CARD10: variants seen among roughly 807,000 people sequenced by gnomAD.
The protein encoded by CARD10 is caspase recruitment domain family member 10, also known as caspase recruitment domain-containing protein 10.
Under a neutral mutation model 114.6 loss-of-function variants are expected in CARD10, and 49 were observed. The ratio of observed to expected loss-of-function variants is 0.43; its 90% CI spans 0.34 to 0.54. CARD10 has a LOEUF of 0.54. Ranked by LOEUF, CARD10 falls within the 20% of genes least tolerant of loss-of-function variation. The probability of loss-of-function intolerance (pLI) is 0.03; values close to 1 mark genes in which losing one functional copy is unlikely to be tolerated. For synonymous variants in CARD10, 602 were observed against 593.2 expected, an observed-to-expected ratio of 1.01 and a Z score of -0.21; for missense variants, 1,206 against 1,397.2, an observed-to-expected ratio of 0.86 and a Z score of 2.18.
Position 37,510,452 on chromosome 22 carries a change from G to A in CARD10, c.700-31C>T, listed in dbSNP as rs774567856. ...GCCCAAGACATGGGTCAGCCCAGAG[G>A]GAGACACACTGGGAGCCACGGGTTA... On this transcript the variant is annotated intron_variant, in intron 3 of 19. Transcript: ENST00000251973. The A allele has an allele frequency of 2.5e-6, 4 of 1,599,870 alleles. No individual in the cohort carries two copies. In the South Asian group the frequency reaches 4.4e-5, roughly 18 times the overall value.
rs766748417 is a variant in CARD10, at chr22:37,495,794, C to T, written c.2269G>A (p.Asp757Asn). 1.9e-5 allele frequency: 30 copies of T among 1,613,980 alleles called. No individual in the cohort carries two copies. The highest frequency in any genetic ancestry group is 4.4e-5 in the South Asian group (4 of 91,088). Residue 757 changes from aspartate (D) to asparagine (N), a missense_variant, in exon 14 of 20, where the codon GAC (aspartate) becomes AAC (asparagine). This residue lies in a region of CARD10 where 1,068 missense variants were observed against 1,179.1 expected (regional missense o/e 0.91). Transcript: ENST00000251973. ...CTRVDPLTLR[D>N]LDRGTVPNYQ... ...TTGGGCACGGTGCCCCGGTCCAGGT[C>T]CCGCAGAGTGAGGGGGTCAACCCGG...
At chr22:37,517,397 G>A (rs1923876906) in intron 2 of CARD10, among the ~76,000 whole-genome samples, 1 of 152,202 alleles carries the variant, frequency 6.6e-6, no homozygotes, top group Non-Finnish European at 1.5e-5. Context: ...CAGCACTCTG[G>A]GAGGCCGAGG....
intron 19 of CARD10, 67 bp from the exon 20 acceptor site, chr22:37,491,460 G>A (rs1922772810): frequency 8.3e-7 from 1 of 1,202,956 alleles, no homozygotes; most frequent in African/African-American, 1.6e-5. Flanking sequence ...CAGGGAGAGA[G>A]GGACAGACAA....
At chr22:37,502,819 G>A in intron 10 of CARD10, 94 bp from the exon 11 acceptor site, 1 of 1,447,812 alleles carries the variant, frequency 6.9e-7, no homozygotes, top group South Asian at 1.4e-5. Flanking sequence ...AGCCCAGAGA[G>A]GCCTTGGCAG....
At position 37,492,447 on chromosome 22, in the gene CARD10, C is replaced by A; in HGVS notation, c.2739G>T (p.Glu913Asp). 1 of 1,575,710 alleles carries A rather than the reference C, an allele frequency of 6.3e-7. No individual in the cohort carries two copies. The highest frequency in any genetic ancestry group is 1.2e-5 in the South Asian group (1 of 85,996). ...GLGSRIRAIQESVGKKHCLLE... is the reference protein window; with the variant it reads ...GLGSRIRAIQDSVGKKHCLLE... ...CCCCAGCACCCACCTTCCCAACAGA[C>A]TCCTGGATGGCCCGGATCCTGCTGC... The change falls in exon 18 of 20, where the codon GAG becomes GAT. Residue 913 changes from glutamate to aspartate, a missense_variant. Glu to Asp is a conservative substitution (Grantham distance 45, BLOSUM62 2). Around this residue, in one of 2 missense-constraint regions of CARD10, gnomAD observed 1,068 missense variants for 1,179.1 expected, o/e 0.91. Coordinates refer to ENST00000251973, the MANE Select transcript of CARD10 (RefSeq NM_014550.4). This position sits in a 1 kb window ranked among gnomAD's most constrained non-coding sequence, Gnocchi z 5.7.
At chr22:37,500,590 G>A (rs1260797875) in intron 11 of CARD10, among the ~76,000 whole-genome samples, 1 of 152,188 alleles carries the variant, frequency 6.6e-6, no homozygotes, top group African/African-American at 2.4e-5. Flanking sequence ...ATGGGAAAGA[G>A]GAGAGAAAAT....
chr22:37,490,843 G>C lies in CARD10; in HGVS notation c.*316C>G, dbSNP rs1922742426. 2.6e-6 allele frequency: 1 copy of C among 390,898 alleles called. No homozygotes were observed. The highest frequency in any genetic ancestry group is 3.5e-5 in the South Asian group (1 of 28,318). 24.2% of individuals were successfully genotyped at this position (390,898 alleles called of 1,614,324 possible). ...CTTGAGTGTGCAAACCTGCGCACAG[G>C]TGTGAGAACAGACTCCAGGGCGAGT... On this transcript the variant is annotated 3_prime_UTR_variant, in exon 20 of 20. Coordinates refer to ENST00000251973, the MANE Select transcript of CARD10 (RefSeq NM_014550.4).
At chr22:37,498,916 G>C (rs949713804) in intron 11 of CARD10, among the ~76,000 whole-genome samples, 20 of 130,664 alleles carry the variant, frequency 1.5e-4, no homozygotes, top group Non-Finnish European at 2.9e-4. Context: ...GGGGGGGGGG[G>C]GCACATGAAT....
chr22:37,517,554 A>C (rs1253415371), intron 2 of CARD10, among the ~76,000 whole-genome samples: 1 of 152,130 alleles, frequency 6.6e-6, no homozygotes, highest in African/African-American at 2.4e-5. Context: ...AGGCAGGAGA[A>C]TCGCTTGAAC....
intron 15 of CARD10, 115 bp downstream of exon 15, chr22:37,495,402 C>T (rs570186694): frequency 6.9e-4 from 528 of 762,310 alleles, no homozygotes; most frequent in Non-Finnish European, 1.1e-3. Flanking sequence ...AATTAAATCA[C>T]CAGGGAAGGA....
In CARD10 at chr22:37,503,189, G is replaced by C. The variant is rs1234735771; in HGVS notation, c.1659C>G (p.Ile553Met). The change falls in exon 10 of 20, where the codon ATC (isoleucine) becomes ATG (methionine). Residue 553 changes from isoleucine to methionine, a missense_variant. Physicochemically the swap from Ile to Met is conservative, Grantham distance 10 (BLOSUM62 1). Coordinates refer to ENST00000251973, the MANE Select transcript of CARD10 (RefSeq NM_014550.4). ...PKRSFSSMSD[I>M]TGSVTLKPWS... Reference sequence around the variant, plus strand: ...ACGGAACTCAAGGGCTGTTACCTGTGATGTCTGACATGCTGCTGAAGGATC... The same window carrying C: ...ACGGAACTCAAGGGCTGTTACCTGTCATGTCTGACATGCTGCTGAAGGATC... 2 of 1,611,412 alleles carry C rather than the reference G, an allele frequency of 1.2e-6. No individual in the cohort carries two copies. The highest frequency in any genetic ancestry group is 2.7e-5 in the African/African-American group (2 of 74,774).
intron 3 of CARD10, chr22:37,514,762 A>G (rs1923778621): frequency 6.6e-6 from 1 of 152,300 alleles, no homozygotes; most frequent in African/African-American, 2.4e-5. Context: ...CTCGAGCAAC[A>G]TGGCTGGAGA....
intron 15 of CARD10, 106 bp from the exon 16 acceptor site, chr22:37,494,294 T>G: frequency 1.4e-6 from 1 of 727,174 alleles, no homozygotes; most frequent in South Asian, 1.8e-5. Context: ...GCCACTGTGG[T>G]CCAGGCTTGC....
intron 19 of CARD10, 119 bp from the exon 20 acceptor site, chr22:37,491,512 G>T: frequency 1.9e-6 from 1 of 522,126 alleles, no homozygotes; most frequent in Non-Finnish European, 3.0e-6. Context: ...ACCAAAGAGA[G>T]ACAGATGGCA....
intron 3 of CARD10, among the ~76,000 whole-genome samples, chr22:37,512,488 C>T (rs7288878): frequency 0.17 from 24,658 of 142,168 alleles, 3,781 homozygotes; most frequent in African/African-American, 0.38. Context: ...CACACACACA[C>T]ACACACACAC....
In CARD10 at chr22:37,496,893, G is replaced by T; in HGVS notation, c.1947+126C>A. The T allele has an allele frequency of 1.7e-6, 2 of 1,155,616 alleles. No homozygotes were observed. The highest frequency in any genetic ancestry group is 1.5e-5 in the South Asian group (1 of 66,112). The allele number at this position is 1,155,616 out of a possible 1,614,324, so 71.6% of individuals were successfully genotyped here. A position where few individuals can be genotyped will look rare whatever the true frequency, so the allele number is the denominator to read the frequency against. ...GCAGGCAACCACAGCTAATCACTGA[G>T]CCCGCTTCGGCTTTGACCAATCCCC... On this transcript the variant is annotated intron_variant, in intron 12 of 19. Transcript: ENST00000251973. This position sits in a 1 kb window ranked among gnomAD's most constrained non-coding sequence, Gnocchi z 4.1.
chr22:37,517,828 T>C (rs1463860498), intron 2 of CARD10, 143 bp downstream of exon 2: 2 of 1,112,352 alleles, frequency 1.8e-6, no homozygotes, highest in South Asian at 1.8e-5. Flanking sequence ...CGTGGGGCCC[T>C]GGGCAAGCCC....
At position 37,502,627 on chromosome 22, in the gene CARD10, C is replaced by T. The variant is rs1161746385; in HGVS notation, c.1762G>A (p.Gly588Ser). Residue 588 changes from glycine (G) to serine (S), a missense_variant, in exon 11 of 20, where the codon GGC becomes AGC. Around this residue, in one of 2 missense-constraint regions of CARD10, gnomAD observed 1,068 missense variants for 1,179.1 expected, o/e 0.91. Transcript: ENST00000251973. ...CTGTTGAGGAAGTCCAGGCCACAGC[C>T]CCGAGCCAGGAGGCCTTCCGGCTTT... ...LGKPEGLLAR[G>S]CGLDFLNRSL... The T allele has an allele frequency of 6.2e-7, 1 of 1,613,926 alleles. No individual in the cohort carries two copies. The highest frequency in any genetic ancestry group is 1.7e-5 in the Admixed American group (1 of 60,014).
chr22:37,494,474 G>A (rs906488435), intron 15 of CARD10: 1 of 483,904 alleles, frequency 2.1e-6, no homozygotes, highest in Non-Finnish European at 3.7e-6. Context: ...CCAAGCTACA[G>A]ATGGGGAGAC....
Sources: gnomAD v4.1 joint callset for allele counts (sites outside exome capture counted in the v4.1 genomes callset) on GRCh38, gnomAD v4.1.1 for gene constraint, gnomAD v4.1.1 regional missense constraint, Gnocchi (gnomAD v3.1) non-coding constraint, MANE v1.5 for transcripts, NCBI Gene and HGNC (gene_info 2026-07-23, HGNC 2026-07-21) for gene names.